The following PLXNA4 variants were observed in gnomAD, a reference collection of about 807,000 sequenced individuals.
PLXNA4 encodes the protein plexin A4, also known as plexin-A4.
In PLXNA4, 44 loss-of-function variants were observed where a neutral mutation model predicts 191.8. The observed-to-expected ratio is 0.23, with a 90% CI of 0.18 to 0.29. The LOEUF is 0.29. PLXNA4 is among the 10% of genes least tolerant of loss of function. The pLI is 1.00. For synonymous variants in PLXNA4, 1,082 were observed against 1,009.5 expected (o/e 1.07, Z -1.36); for missense variants, 1,800 against 2,488.8 (o/e 0.72, Z 5.89).
chr7:132,563,543 C>G (rs1801483956), intron 1 of PLXNA4, among the ~76,000 whole-genome samples: 1 of 119,056 alleles, frequency 8.4e-6, no homozygotes. Flanking sequence ...TTCTCCTCCT[C>G]CTCCTTCTCC....
intron 3 of PLXNA4, among the ~76,000 whole-genome samples, chr7:132,391,655 G>A (rs970903166): frequency 6.6e-6 from 1 of 152,186 alleles, no homozygotes; most frequent in Non-Finnish European, 1.5e-5. Context: ...GGTTAGGGGG[G>A]CAGTGCTAAA....
chr7:132,224,214 G>A (rs750469573), intron 8 of PLXNA4, among the ~76,000 whole-genome samples: 1 of 152,076 alleles, frequency 6.6e-6, no homozygotes, highest in Non-Finnish European at 1.5e-5. Context: ...AAACTCAAAT[G>A]CCTCTCCATA....
intron 25 of PLXNA4, among the ~76,000 whole-genome samples, chr7:132,151,933 C>T (rs1584769022): frequency 6.6e-6 from 1 of 152,286 alleles, no homozygotes; most frequent in East Asian, 1.9e-4. Context: ...ACCCAAATTC[C>T]TTACTTTTAC....
intron 2 of PLXNA4, among the ~76,000 whole-genome samples, chr7:132,618,443 G>T (rs997991193): frequency 2.0e-5 from 3 of 152,322 alleles, no homozygotes; most frequent in African/African-American, 4.8e-5. Context: ...GCACTTGGTA[G>T]GTTCTTAATA....
rs147364620 is a variant in PLXNA4 at position 132,440,033 on chromosome 7, G to A, written c.1371+49259C>T. On this transcript the variant is annotated intron_variant, in intron 3 of 31. Transcript: ENST00000321063. ...GTGTATGTGTGTGTGTGTGATCTGT[G>A]TGGGCTTGTGCCATGCTGCCATAAA... is the stretch of plus-strand genomic sequence containing the variant. Among the ~76,000 whole-genome samples, 931 of 151,874 alleles carry A rather than the reference G, an allele frequency of 6.1e-3. 8 individuals are homozygous for A. Among genetic ancestry groups the A allele is most frequent in the Middle Eastern group, 0.038 (11 of 292 alleles).
intron 1 of PLXNA4, among the ~76,000 whole-genome samples, chr7:132,517,933 A>G (rs1799004073): frequency 6.6e-6 from 1 of 152,180 alleles, no homozygotes; most frequent in Non-Finnish European, 1.5e-5. Flanking sequence ...TTTCTACTCC[A>G]ATTTGTAATC....
Position 132,544,661 on chromosome 7 carries a change from G to A in PLXNA4, c.-87+31761C>T, listed in dbSNP as rs1224378433. 2.0e-5 allele frequency among the ~76,000 whole-genome samples: 3 copies of A among 152,152 alleles called. No homozygotes were observed. The East Asian group carries it at 5.8e-4, about 29-fold the overall frequency. ...GTGCCCATTAGGGTTAACTTCCCAG[G>A]TTTTTAGGTAGGGTCCGAATGGAGT... On this transcript the variant is annotated intron_variant, in intron 1 of 31. Coordinates refer to ENST00000321063, the MANE Select transcript of PLXNA4 (RefSeq NM_020911.2).
chr7:132,237,271 C>T (rs1348162687), intron 5 of PLXNA4, among the ~76,000 whole-genome samples: 2 of 152,190 alleles, frequency 1.3e-5, no homozygotes, highest in Non-Finnish European at 2.9e-5. Flanking sequence ...TGAGGGATTT[C>T]AGACTTTCCC....
intron 7 of PLXNA4, 102 bp from the exon 8 acceptor site, chr7:132,226,362 C>A (rs780031034): frequency 2.0e-6 from 2 of 990,884 alleles, no homozygotes; most frequent in African/African-American, 1.6e-5. Context: ...GCTCCCCAGG[C>A]GGCTGTTGGC....
chr7:132,180,476 G>A (rs1193699974), intron 19 of PLXNA4, 110 bp downstream of exon 19: 25 of 1,515,730 alleles, frequency 1.6e-5, no homozygotes, highest in Non-Finnish European at 2.2e-5. Context: ...GTAGCTACAG[G>A]AAAAGTTCTT....
rs1201923970 is a variant in PLXNA4 at position 132,130,323 on chromosome 7, G to GA, written c.*155dup. On this transcript the variant is annotated 3_prime_UTR_variant, in exon 32 of 32. Transcript: ENST00000321063. Reference sequence around the variant, plus strand: ...GAAGAGAAGAGATCCAGGAAGGAGGGAGAAACGGAAAGAGGCAGAGAGAAA... The same window carrying GA: ...GAAGAGAAGAGATCCAGGAAGGAGGGAAGAAACGGAAAGAGGCAGAGAGAAA... 25 of 1,040,422 alleles carry GA rather than the reference G, an allele frequency of 2.4e-5. No homozygotes were observed. Among genetic ancestry groups the GA allele is most frequent in the Non-Finnish European group, 2.9e-5 (21 of 721,174 alleles). The allele number at this position is 1,040,422 out of a possible 1,614,324, so 64.4% of individuals were successfully genotyped here.
chr7:132,309,601 G>A (rs1319473874), intron 3 of PLXNA4, among the ~76,000 whole-genome samples: 2 of 152,146 alleles, frequency 1.3e-5, no homozygotes, highest in Non-Finnish European at 2.9e-5. Flanking sequence ...CTGGGAACAG[G>A]TGTGCAAGGA....
intron 3 of PLXNA4, chr7:132,385,239 G>T (rs932045379): frequency 6.2e-7 from 1 of 1,613,956 alleles, no homozygotes; most frequent in African/African-American, 1.3e-5. Context: ...CTGTTGCTCT[G>T]TGGGATCGGG....
chr7:132,420,436 C>T (rs948598344), intron 3 of PLXNA4, among the ~76,000 whole-genome samples: 2 of 152,168 alleles, frequency 1.3e-5, no homozygotes, highest in South Asian at 4.1e-4. Context: ...TCCTCTGGTG[C>T]TCCTTGGTAC....
intron 3 of PLXNA4, among the ~76,000 whole-genome samples, chr7:132,392,046 C>G (rs955201747): frequency 1.3e-5 from 2 of 151,828 alleles, no homozygotes; most frequent in Non-Finnish European, 2.9e-5. Flanking sequence ...GAGAATCACT[C>G]GACCCTGGGA....
chr7:132,353,094 C>T (rs757339725), intron 3 of PLXNA4, among the ~76,000 whole-genome samples: 69 of 152,288 alleles, frequency 4.5e-4, no homozygotes, highest in Admixed American at 4.0e-3. Flanking sequence ...TCAATTTCCA[C>T]GCTTGTTTTT....
At chr7:132,237,806 C>A (rs1466224615) in intron 5 of PLXNA4, among the ~76,000 whole-genome samples, 1 of 152,140 alleles carries the variant, frequency 6.6e-6, no homozygotes, top group African/African-American at 2.4e-5. Flanking sequence ...ACGGAGTTAT[C>A]GTGGAATCTA....
intron 3 of PLXNA4, among the ~76,000 whole-genome samples, chr7:132,433,134 A>G (rs1795334515): frequency 6.6e-6 from 1 of 152,246 alleles, no homozygotes; most frequent in South Asian, 2.1e-4. Flanking sequence ...CTTAGGAGCC[A>G]TATTTAATTT....
rs571657987 is a variant in PLXNA4 at position 132,207,881 on chromosome 7, G to C, written c.2298+3062C>G. On this transcript the variant is annotated intron_variant, in intron 10 of 31. Coordinates refer to ENST00000321063, the MANE Select transcript of PLXNA4 (RefSeq NM_020911.2). ...GGGGTAGAAAGTGCCCTTCGCTGCT[G>C]TTCTTTGCTCAACCTTTGATTAGGG... Among the ~76,000 whole-genome samples, 8 of 152,330 alleles carry C rather than the reference G, an allele frequency of 5.3e-5. No individual in the cohort carries two copies. The South Asian group carries it at 1.7e-3, about 32-fold the overall frequency.
Sources: allele counts gnomAD v4.1 joint callset (sites outside exome capture counted in the v4.1 genomes callset), GRCh38; gene constraint gnomAD v4.1.1; transcripts MANE v1.5; gene names NCBI Gene and HGNC (gene_info 2026-07-23, HGNC 2026-07-21).